The following PDE11A variants were observed in gnomAD, a reference collection of about 807,000 sequenced individuals.
PDE11A encodes the protein phosphodiesterase 11A, also known as dual 3',5'-cyclic-AMP and -GMP phosphodiesterase 11A.
PDE11A carries 100 observed loss-of-function variants against 100.5 expected under a neutral mutation model. The ratio of observed to expected loss-of-function variants is 1.00; its 90% CI spans 0.85 to 1.18. PDE11A has a LOEUF of 1.18. PDE11A is among the 50% of genes most tolerant of loss of function. The pLI, the probability that PDE11A is intolerant of heterozygous loss-of-function variation, is 0.00. For missense variants in PDE11A, 1,141 were observed against 1,152.6 expected (o/e 0.99, Z 0.15); for synonymous variants, 381 against 420.8 (o/e 0.91, Z 1.16).
In PDE11A at chr2:177,701,141, C is replaced by T. The variant is rs761760055; in HGVS notation, c.2224G>A (p.Val742Met). 3.1e-6 allele frequency: 5 copies of T among 1,599,172 alleles called. No individual in the cohort carries two copies. Among genetic ancestry groups the T allele is most frequent in the South Asian group, 1.1e-5 (1 of 90,832 alleles). ...TGTACCTCACTTTGAAGGATCATCA[C>T]GGCGTGGTTGAAATGGTGATGCTCC... ...TLEHHHFNHA[V>M]MILQSEGHNI... The change falls in exon 14 of 20, where the codon GTG becomes ATG. Residue 742 changes from valine (V) to methionine (M), a missense_variant. Val to Met is a conservative substitution (Grantham distance 21, BLOSUM62 1). Transcript: ENST00000286063.
chr2:177,921,186 T>C (rs959207335), intron 2 of PDE11A, among the ~76,000 whole-genome samples: 5 of 151,662 alleles, frequency 3.3e-5, no homozygotes, highest in Admixed American at 2.0e-4. Context: ...TCCAGAAACG[T>C]AGCATATTTG....
chr2:177,676,117 C>A, intron 16 of PDE11A: 1 of 173,082 alleles, frequency 5.8e-6, no homozygotes, highest in Non-Finnish European at 1.3e-5. Context: ...TACTCAGCTC[C>A]AGCTCTCATT....
chr2:177,866,999 T>C (rs1025557752), intron 5 of PDE11A, among the ~76,000 whole-genome samples: 4 of 152,252 alleles, frequency 2.6e-5, no homozygotes, highest in African/African-American at 9.6e-5. Context: ...TAGTTTTGTT[T>C]TTCTTTCCTT....
At chr2:177,934,769 T>C (rs534207504) in intron 2 of PDE11A, among the ~76,000 whole-genome samples, 8 of 152,214 alleles carry the variant, frequency 5.3e-5, no homozygotes, top group African/African-American at 1.9e-4. Context: ...ATAAAGAAAA[T>C]GTGATATATA....
intron 2 of PDE11A, among the ~76,000 whole-genome samples, chr2:177,911,169 T>A (rs564896302): frequency 1.3e-5 from 2 of 152,348 alleles, no homozygotes; most frequent in Non-Finnish European, 2.9e-5. Context: ...ACTGGGGATG[T>A]TTTAAGACAG....
intron 5 of PDE11A, among the ~76,000 whole-genome samples, chr2:177,841,000 A>C (rs2083482876): frequency 6.6e-6 from 1 of 152,172 alleles, no homozygotes; most frequent in Non-Finnish European, 1.5e-5. Flanking sequence ...CCCATATACC[A>C]CTTACAAAAT....
intron 10 of PDE11A, among the ~76,000 whole-genome samples, chr2:177,730,785 C>T (rs1176342508): frequency 6.6e-6 from 1 of 152,172 alleles, no homozygotes; most frequent in East Asian, 1.9e-4. Flanking sequence ...GCTTCACTCT[C>T]TGTACTTTGT....
intron 10 of PDE11A, among the ~76,000 whole-genome samples, chr2:177,731,270 G>A (rs115767089): frequency 0.011 from 1,736 of 152,148 alleles, 39 homozygotes; most frequent in African/African-American, 0.039. Context: ...TTTCCTTAGC[G>A]GCCTGATAAT....
At chr2:177,908,888 C>CT (rs2084832159) in intron 2 of PDE11A, among the ~76,000 whole-genome samples, 1 of 152,164 alleles carries the variant, frequency 6.6e-6, no homozygotes, top group African/African-American at 2.4e-5. Context: ...TTTGCAAATA[C>CT]TTTTTCCAAG....
At chr2:177,741,716 T>C (rs149018809) in intron 10 of PDE11A, among the ~76,000 whole-genome samples, 41 of 152,290 alleles carry the variant, frequency 2.7e-4, no homozygotes, top group African/African-American at 8.7e-4. Flanking sequence ...TTATCCAAGA[T>C]ACACTGGAGG....
At chr2:177,798,401 T>C (rs2082735734) in intron 9 of PDE11A, among the ~76,000 whole-genome samples, 1 of 152,250 alleles carries the variant, frequency 6.6e-6, no homozygotes, top group African/African-American at 2.4e-5. Flanking sequence ...GTCTACTCTA[T>C]GCTGTTTTGG....
intron 10 of PDE11A, among the ~76,000 whole-genome samples, chr2:177,744,461 G>A (rs1007945016): frequency 7.2e-5 from 11 of 152,126 alleles, no homozygotes; most frequent in South Asian, 2.1e-4. Context: ...AGGACATCTC[G>A]CACCTGCCTG....
At chr2:178,097,618 T>A (rs2087511399) in intron 2 of PDE11A, among the ~76,000 whole-genome samples, 1 of 152,110 alleles carries the variant, frequency 6.6e-6, no homozygotes, top group Admixed American at 6.5e-5. Context: ...AGCCAAACCA[T>A]ATCATAGAGC....
chr2:177,844,414 A>G (rs888098004), intron 5 of PDE11A, among the ~76,000 whole-genome samples: 1 of 151,974 alleles, frequency 6.6e-6, no homozygotes, highest in Non-Finnish European at 1.5e-5. Flanking sequence ...TCATACCCTC[A>G]CATTAGGGAC....
At chr2:178,034,838 C>G (rs7421260) in intron 1 of PDE11A, among the ~76,000 whole-genome samples, 76,193 of 151,644 alleles carry the variant, frequency 0.5, 19,873 homozygotes, top group East Asian at 0.71. Context: ...AGAACAAAGA[C>G]ACAACATACC....
intron 6 of PDE11A, 53 bp from the exon 7 acceptor site, chr2:177,820,348 G>T (rs529948954): frequency 4.8e-5 from 49 of 1,016,248 alleles, no homozygotes; most frequent in Non-Finnish European, 6.5e-5. Context: ...ATTCATTTTT[G>T]ATTTACATTT....
chr2:178,070,628 G>T (rs1198890884), intron 1 of PDE11A, among the ~76,000 whole-genome samples: 1 of 152,166 alleles, frequency 6.6e-6, no homozygotes, highest in African/African-American at 2.4e-5. Context: ...AGAATGGACT[G>T]GTTTCAGATC....
intron 5 of PDE11A, among the ~76,000 whole-genome samples, chr2:177,857,039 A>T (rs564774421): frequency 6.6e-6 from 1 of 152,166 alleles, no homozygotes; most frequent in African/African-American, 2.4e-5. Context: ...ACAAGAAAAA[A>T]TCTTGAAAAC....
intron 2 of PDE11A, among the ~76,000 whole-genome samples, chr2:177,912,146 G>A (rs896351513): frequency 6.6e-6 from 1 of 152,112 alleles, no homozygotes; most frequent in Non-Finnish European, 1.5e-5. Flanking sequence ...CAAATTTGGG[G>A]CAGAACACAT....
Sources: gnomAD v4.1 joint callset for allele counts (sites outside exome capture counted in the v4.1 genomes callset) on GRCh38, gnomAD v4.1.1 for gene constraint, MANE v1.5 for transcripts, NCBI Gene and HGNC (gene_info 2026-07-23, HGNC 2026-07-21) for gene names.